ROBO1: variants seen among roughly 807,000 people sequenced by gnomAD.
ROBO1 encodes the protein roundabout guidance receptor 1, also known as roundabout homolog 1.
In ROBO1, 149 loss-of-function variants were observed where a neutral mutation model predicts 195.9. The ratio of observed to expected loss-of-function variants is 0.76; its 90% CI spans 0.67 to 0.87. The LOEUF (loss-of-function observed/expected upper bound fraction) is 0.87, where lower values mean the gene tolerates loss of function less well. ROBO1 is among the 40% of genes least tolerant of loss of function. ROBO1 has a pLI of 0.00. For synonymous variants in ROBO1, 816 were observed against 733.2 expected, an observed-to-expected ratio of 1.11 and a Z score of -1.82; for missense variants, 1,933 against 2,068.3, an observed-to-expected ratio of 0.93 and a Z score of 1.27.
At chr3:79,183,851 ATT>A (rs2081389210) in intron 2 of ROBO1, among the ~76,000 whole-genome samples, 1 of 152,214 alleles carries the variant, frequency 6.6e-6, no homozygotes, top group African/African-American at 2.4e-5. Flanking sequence ...CTGAATTTTT[ATT>A]GTCTATGAAG....
At chr3:78,832,454 G>A (rs2108746125) in intron 4 of ROBO1, among the ~76,000 whole-genome samples, 1 of 152,256 alleles carries the variant, frequency 6.6e-6, no homozygotes, top group South Asian at 2.1e-4. Flanking sequence ...ACTCAGAAGA[G>A]GGGTAACGTC....
intron 3 of ROBO1, among the ~76,000 whole-genome samples, chr3:78,945,949 C>T (rs755105925): frequency 3.4e-5 from 5 of 149,110 alleles, no homozygotes; most frequent in South Asian, 2.1e-4. Flanking sequence ...TGAAATGAAG[C>T]GAGAAGAGAA....
chr3:79,279,292 A>C (rs969454924), intron 2 of ROBO1, among the ~76,000 whole-genome samples: 1 of 152,008 alleles, frequency 6.6e-6, no homozygotes, highest in African/African-American at 2.4e-5. Flanking sequence ...CAAACAAAAA[A>C]ACAAAAACAA....
Position 79,702,909 on chromosome 3 carries a change from C to A in ROBO1, c.-51+64843G>T, listed in dbSNP as rs893420915. ...CTTAATCCTACTCGTGGCTTCTGGC[C>A]ACAACTTTCCCAGTAGTGGCCACGT... On this transcript the variant is annotated intron_variant, in intron 1 of 30. Coordinates refer to ENST00000464233, the MANE Select transcript of ROBO1 (RefSeq NM_002941.4). 7.2e-5 allele frequency among the ~76,000 whole-genome samples: 11 copies of A among 151,866 alleles called. No homozygotes were observed. The Admixed American group carries it at 7.2e-4, about 10-fold the overall frequency.
chr3:79,052,244 A>C (rs929355509), intron 3 of ROBO1, among the ~76,000 whole-genome samples: 2 of 152,100 alleles, frequency 1.3e-5, no homozygotes, highest in Non-Finnish European at 2.9e-5. Flanking sequence ...TGTCTTATGC[A>C]GTTGAAAATA....
intron 2 of ROBO1, among the ~76,000 whole-genome samples, chr3:79,308,202 T>A (rs2033310641): frequency 6.6e-6 from 1 of 152,186 alleles, no homozygotes; most frequent in Non-Finnish European, 1.5e-5. Context: ...ACTGGTAAAG[T>A]AGAAGTTGTA....
chr3:78,858,596 A>C (rs1326084927), intron 4 of ROBO1, among the ~76,000 whole-genome samples: 1 of 151,512 alleles, frequency 6.6e-6, no homozygotes, highest in Non-Finnish European at 1.5e-5. Context: ...GGAGAAGAAG[A>C]AAAATTATCT....
intron 4 of ROBO1, among the ~76,000 whole-genome samples, chr3:78,756,877 CT>C (rs2082946345): frequency 6.6e-6 from 1 of 151,888 alleles, no homozygotes; most frequent in Non-Finnish European, 1.5e-5. Flanking sequence ...AGAATCATAA[CT>C]TTTTTATTTT....
chr3:78,755,818 A>G (rs960902128), intron 4 of ROBO1, among the ~76,000 whole-genome samples: 11 of 152,206 alleles, frequency 7.2e-5, no homozygotes, highest in African/African-American at 2.7e-4. Flanking sequence ...AATTTAAAAC[A>G]TGATTTGAGA....
chr3:78,754,526 T>G (rs1490532627), intron 4 of ROBO1, among the ~76,000 whole-genome samples: 2 of 152,196 alleles, frequency 1.3e-5, no homozygotes, highest in Admixed American at 1.3e-4. Context: ...GTCAGCTCCA[T>G]GAGAACAGGG....
chr3:79,657,060 T>C (rs1946188226), intron 1 of ROBO1, among the ~76,000 whole-genome samples: 1 of 152,142 alleles, frequency 6.6e-6, no homozygotes, highest in Non-Finnish European at 1.5e-5. Flanking sequence ...TTCATCCAAA[T>C]GTAACCTTTG....
chr3:78,639,753 T>C lies in ROBO1; in HGVS notation c.3028A>G (p.Ser1010Gly). 6.2e-7 allele frequency: 1 copy of C among 1,613,186 alleles called. No individual in the cohort carries two copies. The highest frequency in any genetic ancestry group is 1.7e-5 in the Admixed American group (1 of 59,974). Residue 1010 changes from serine to glycine, a missense_variant, in exon 22 of 31, where the codon AGT (serine) becomes GGT (glycine). Ser to Gly is a moderately conservative substitution (Grantham distance 56). Coordinates refer to ENST00000464233, the MANE Select transcript of ROBO1 (RefSeq NM_002941.4). ...GNSDSNLTTY[S>G]RPADCIANYN... ...TCTCTGTGTCCCTAACCTGGGCGAC[T>C]GTAGGTAGTGAGGTTGCTGTCGCTG...
chr3:79,239,560 G>A (rs1463252955), intron 2 of ROBO1, among the ~76,000 whole-genome samples: 4 of 152,078 alleles, frequency 2.6e-5, no homozygotes, highest in Admixed American at 6.6e-5. Context: ...AAGAGTATCT[G>A]ACTTCACTGC....
intron 10 of ROBO1, among the ~76,000 whole-genome samples, chr3:78,677,275 A>G (rs992581513): frequency 1.3e-5 from 2 of 152,230 alleles, no homozygotes; most frequent in Non-Finnish European, 2.9e-5. Context: ...CCAATGAGCA[A>G]AATAACCATC....
chr3:79,253,916 G>A (rs2082778936), intron 2 of ROBO1, among the ~76,000 whole-genome samples: 1 of 152,144 alleles, frequency 6.6e-6, no homozygotes, highest in Admixed American at 6.6e-5. Flanking sequence ...TCTGCCACAT[G>A]TCTCATTATG....
intron 14 of ROBO1, among the ~76,000 whole-genome samples, chr3:78,664,688 G>A (rs901738323): frequency 6.6e-6 from 1 of 152,136 alleles, no homozygotes; most frequent in South Asian, 2.1e-4. Context: ...CTACACTTGG[G>A]GAAGATTCTT....
chr3:78,879,230 C>T lies in ROBO1; in HGVS notation c.499+59371G>A, dbSNP rs576478486. Among the ~76,000 whole-genome samples the T allele has an allele frequency of 1.3e-4, 20 of 152,218 alleles. No homozygotes were observed. The South Asian group carries it at 1.7e-3, about 13-fold the overall frequency. On this transcript the variant is annotated intron_variant, in intron 4 of 30. Coordinates refer to ENST00000464233, the MANE Select transcript of ROBO1 (RefSeq NM_002941.4). Reference sequence around the variant, plus strand: ...ATATTTATAACACAATGATATTACACGCAGGGTTGAAGACATGAGAAAGTC... The same window carrying T: ...ATATTTATAACACAATGATATTACATGCAGGGTTGAAGACATGAGAAAGTC...
chr3:79,319,539 T>C (rs1314954089), intron 2 of ROBO1, among the ~76,000 whole-genome samples: 1 of 152,242 alleles, frequency 6.6e-6, no homozygotes, highest in African/African-American at 2.4e-5. Context: ...ATAGATATAA[T>C]TAATGCATTA....
intron 3 of ROBO1, among the ~76,000 whole-genome samples, chr3:79,040,227 C>CT (rs1394296717): frequency 6.6e-6 from 1 of 152,142 alleles, no homozygotes; most frequent in Non-Finnish European, 1.5e-5. Flanking sequence ...ATAATCTTCA[C>CT]TGGGGATGTA....
Sources: allele counts gnomAD v4.1 joint callset (sites outside exome capture counted in the v4.1 genomes callset), GRCh38; gene constraint gnomAD v4.1.1; transcripts MANE v1.5; gene names NCBI Gene and HGNC (gene_info 2026-07-23, HGNC 2026-07-21).